DIAPH3: variants seen among roughly 807,000 people sequenced by gnomAD.
DIAPH3 encodes protein diaphanous homolog 3.
Under a neutral mutation model 144.3 loss-of-function variants are expected in DIAPH3, and 117 were observed. The ratio of observed to expected loss-of-function variants is 0.81; its 90% CI spans 0.70 to 0.95. The LOEUF is 0.95. Ranked by LOEUF, DIAPH3 falls within the 40% of genes least tolerant of loss-of-function variation. The pLI is 0.00. For synonymous variants in DIAPH3, 519 were observed against 488.9 expected (o/e 1.06, Z -0.81); for missense variants, 1,421 against 1,412.7 (o/e 1.01, Z -0.09).
Position 59,708,385 on chromosome 13 carries a change from A to G in DIAPH3, c.3320-41539T>C, listed in dbSNP as rs1190442842. ...ATTTCTCTTACTCTCTCTTGAACTC[A>G]TTCCAATCAGATATTTGTCCCTACC... is the stretch of plus-strand genomic sequence containing the variant. On this transcript the variant is annotated intron_variant, in intron 27 of 27. Transcript: ENST00000400324. Among the ~76,000 whole-genome samples, 4 of 152,246 alleles carry G rather than the reference A, an allele frequency of 2.6e-5. No individual in the cohort carries two copies. In the East Asian group the frequency reaches 7.7e-4, roughly 29 times the overall value.
intron 4 of DIAPH3, among the ~76,000 whole-genome samples, chr13:60,051,075 G>T (rs1394763679): frequency 6.6e-6 from 1 of 152,076 alleles, no homozygotes; most frequent in East Asian, 1.9e-4. Context: ...GAAAAGACCC[G>T]TTTTAGTGGT....
chr13:59,839,435 C>A lies in DIAPH3; in HGVS notation c.2751G>T (p.Thr917=). The change falls in exon 23 of 28, where the codon ACG becomes ACT. Residue 917 remains threonine, a synonymous_variant. Coordinates refer to ENST00000400324, the MANE Select transcript of DIAPH3 (RefSeq NM_001042517.2). ...LDKASKVSVE[T]LEKNLRQMGR... is the part of the protein sequence containing the mutation. ...CCATCTGCCTCAAATTCTTTTCCAG[C>A]GTTTCTACAGAGACTAAAAGAGAGT... The A allele has an allele frequency of 5.6e-6, 9 of 1,613,028 alleles. No individual in the cohort carries two copies. The highest frequency in any genetic ancestry group is 2.2e-5 in the East Asian group (1 of 44,780).
At chr13:59,905,475 A>C (rs188782742) in intron 20 of DIAPH3, among the ~76,000 whole-genome samples, 21 of 151,824 alleles carry the variant, frequency 1.4e-4, no homozygotes, top group Admixed American at 1.1e-3. Flanking sequence ...TTGTGAGATG[A>C]TTTACATCTC....
chr13:59,975,704 T>C (rs2050639184), intron 14 of DIAPH3, among the ~76,000 whole-genome samples: 1 of 152,076 alleles, frequency 6.6e-6, no homozygotes, highest in African/African-American at 2.4e-5. Context: ...GAAATACTGC[T>C]TTAATTCCCA....
At chr13:59,829,379 G>A (rs924670362) in intron 24 of DIAPH3, among the ~76,000 whole-genome samples, 4 of 151,754 alleles carry the variant, frequency 2.6e-5, no homozygotes, top group Admixed American at 6.6e-5. Context: ...AGATGTTAAC[G>A]CAGGTCAGCC....
chr13:59,774,567 A>G (rs74642535), intron 26 of DIAPH3, among the ~76,000 whole-genome samples, 161 bp downstream of exon 26: 6,939 of 152,298 alleles, frequency 0.046, 246 homozygotes, highest in South Asian at 0.11. Flanking sequence ...TCTCTCTGAC[A>G]TTTGTCTGTG....
chr13:59,696,154 G>C (rs141948931), intron 27 of DIAPH3: 2 of 152,082 alleles, frequency 1.3e-5, no homozygotes, highest in African/African-American at 4.8e-5. Context: ...ACATGGTTCC[G>C]TTGATCTTAT....
intron 5 of DIAPH3, among the ~76,000 whole-genome samples, chr13:60,017,352 C>T (rs576396443): frequency 6.7e-5 from 10 of 149,758 alleles, no homozygotes; most frequent in Non-Finnish European, 1.5e-4. Flanking sequence ...TGCAGTGAGC[C>T]GAGATCGCGC....
At chr13:59,724,800 G>A in intron 27 of DIAPH3, among the ~76,000 whole-genome samples, 1 of 152,058 alleles carries the variant, frequency 6.6e-6, no homozygotes, top group East Asian at 1.9e-4. Context: ...TACACCTTTG[G>A]GGAATAGAAA....
chr13:59,733,810 C>T (rs2036005853), intron 27 of DIAPH3, among the ~76,000 whole-genome samples: 1 of 152,204 alleles, frequency 6.6e-6, no homozygotes. Flanking sequence ...AAATGAGCAC[C>T]ATGTTCTTTC....
At chr13:59,675,088 G>T (rs2032571263) in intron 27 of DIAPH3, among the ~76,000 whole-genome samples, 1 of 152,172 alleles carries the variant, frequency 6.6e-6, no homozygotes, top group South Asian at 2.1e-4. Flanking sequence ...TAGAGACAGG[G>T]TCTTGCTCTG....
intron 5 of DIAPH3, 21 bp downstream of exon 5, chr13:60,042,669 G>A: frequency 6.2e-7 from 1 of 1,613,144 alleles, no homozygotes; most frequent in Non-Finnish European, 8.5e-7. Context: ...TGCCCTGTTG[G>A]TGTTCAAATA....
intron 4 of DIAPH3, among the ~76,000 whole-genome samples, chr13:60,049,921 A>G (rs541262608): frequency 6.6e-6 from 1 of 152,338 alleles, no homozygotes; most frequent in African/African-American, 2.4e-5. Context: ...TAAGCATGGT[A>G]GCTCATGCCT....
At chr13:59,961,572 T>C (rs1342204280) in intron 17 of DIAPH3, among the ~76,000 whole-genome samples, 3 of 152,336 alleles carry the variant, frequency 2.0e-5, no homozygotes, top group African/African-American at 7.2e-5. Context: ...GGTGAACTGC[T>C]GTGGGGCAGT....
At chr13:59,841,989 T>A (rs900144530) in intron 22 of DIAPH3, among the ~76,000 whole-genome samples, 1 of 152,122 alleles carries the variant, frequency 6.6e-6, no homozygotes, top group African/African-American at 2.4e-5. Flanking sequence ...ACCACTGTGT[T>A]ATATATAAAT....
At chr13:60,067,625 T>C (rs1360813173) in intron 4 of DIAPH3, among the ~76,000 whole-genome samples, 1 of 152,210 alleles carries the variant, frequency 6.6e-6, no homozygotes, top group African/African-American at 2.4e-5. Context: ...TCCACTTCTT[T>C]AGTTTGAAAA....
chr13:59,967,689 C>G (rs1202004035), intron 17 of DIAPH3, among the ~76,000 whole-genome samples: 1 of 152,094 alleles, frequency 6.6e-6, no homozygotes, highest in Admixed American at 6.5e-5. Flanking sequence ...GTCATATATT[C>G]TCCTTGATTG....
intron 9 of DIAPH3, among the ~76,000 whole-genome samples, chr13:60,007,725 AAAAG>A (rs2052972179): frequency 6.6e-6 from 1 of 152,150 alleles, no homozygotes; most frequent in African/African-American, 2.4e-5. Flanking sequence ...TTTTTTTAAA[AAAAG>A]AAAGAGAAAT....
chr13:60,038,103 C>T (rs913514919), intron 5 of DIAPH3, among the ~76,000 whole-genome samples: 3 of 151,718 alleles, frequency 2.0e-5, no homozygotes, highest in Non-Finnish European at 2.9e-5. Context: ...ATAGTGGTTA[C>T]CACAGAATAG....
Sources: gnomAD v4.1 joint callset for allele counts (sites outside exome capture counted in the v4.1 genomes callset) on GRCh38, gnomAD v4.1.1 for gene constraint, MANE v1.5 for transcripts, NCBI Gene and HGNC (gene_info 2026-07-23, HGNC 2026-07-21) for gene names.